Variants in CSMD1 observed in about 807,000 individuals in gnomAD.
CSMD1 encodes CUB and sushi domain-containing protein 1.
Under a neutral mutation model 417.5 loss-of-function variants are expected in CSMD1, and 213 were observed. The ratio of observed to expected loss-of-function variants is 0.51; its 90% CI spans 0.46 to 0.57. The LOEUF is 0.57. CSMD1 is among the 20% of genes least tolerant of loss of function. The pLI, the probability that CSMD1 is intolerant of heterozygous loss-of-function variation, is 0.00. For missense variants in CSMD1, 6,923 were observed against 4,529.7 expected (o/e 1.53, Z -15.17); for synonymous variants, 2,862 against 1,736.8 (o/e 1.65, Z -16.11).
chr8:3,461,154 G>C (rs1039805121), intron 12 of CSMD1, among the ~76,000 whole-genome samples: 2 of 152,204 alleles, frequency 1.3e-5, no homozygotes, highest in African/African-American at 2.4e-5. Context: ...GGCTGCTAGA[G>C]AGGGCTCATA....
At chr8:3,778,073 A>T (rs1215286229) in intron 5 of CSMD1, among the ~76,000 whole-genome samples, 1 of 152,218 alleles carries the variant, frequency 6.6e-6, no homozygotes, top group Non-Finnish European at 1.5e-5. Flanking sequence ...TCCAGGGGAA[A>T]CTGGAGTTTG....
At chr8:4,860,183 T>C (rs1265200567) in intron 1 of CSMD1, among the ~76,000 whole-genome samples, 2 of 144,934 alleles carry the variant, frequency 1.4e-5, no homozygotes, top group Non-Finnish European at 3.0e-5. Context: ...ACACCGCATA[T>C]TCTCACTCAT....
At chr8:3,784,670 T>C (rs543063965) in intron 5 of CSMD1, among the ~76,000 whole-genome samples, 2 of 152,324 alleles carry the variant, frequency 1.3e-5, no homozygotes, top group East Asian at 1.9e-4. Flanking sequence ...ATAAGGGATA[T>C]TGTCAGCAAA....
intron 46 of CSMD1, among the ~76,000 whole-genome samples, chr8:3,104,710 C>G (rs972318405): frequency 2.2e-5 from 3 of 135,028 alleles, no homozygotes; most frequent in African/African-American, 8.4e-5. Flanking sequence ...TTTTTCTTTT[C>G]TTTTTTTTTT....
intron 1 of CSMD1, among the ~76,000 whole-genome samples, chr8:4,844,592 G>A (rs1290425744): frequency 1.3e-5 from 2 of 152,106 alleles, no homozygotes; most frequent in Non-Finnish European, 2.9e-5. Flanking sequence ...GACACAGATT[G>A]CTTTTTCTGT....
chr8:3,840,852 C>T (rs949158168), intron 5 of CSMD1, among the ~76,000 whole-genome samples: 11 of 151,806 alleles, frequency 7.2e-5, no homozygotes, highest in South Asian at 2.1e-4. Context: ...TACGTACAGG[C>T]GCCTGTGACT....
Position 3,029,171 on chromosome 8 carries a change from A to G in CSMD1, c.7855+148T>C. 4 of 540,266 alleles carry G rather than the reference A, an allele frequency of 7.4e-6. No individual in the cohort carries two copies. The East Asian group carries it at 1.2e-4, about 16-fold the overall frequency. The allele number at this position is 540,266 out of a possible 1,614,324, so 33.5% of individuals were successfully genotyped here. A position where few individuals can be genotyped will look rare whatever the true frequency, so the allele number is the denominator to read the frequency against. ...ATGTCACATGACAATACATATTCAC[A>G]TCGCAATGAAAAGACAGGCCATTTG... On this transcript the variant is annotated intron_variant, in intron 51 of 69. Coordinates refer to ENST00000635120, the MANE Select transcript of CSMD1 (RefSeq NM_033225.6).
At chr8:3,117,234 C>A (rs1816927900) in intron 42 of CSMD1, among the ~76,000 whole-genome samples, 2 of 152,052 alleles carry the variant, frequency 1.3e-5, no homozygotes, top group East Asian at 1.9e-4. Flanking sequence ...CCACGCCCAG[C>A]TAATTTTTTT....
chr8:3,680,190 C>T (rs1175665433), intron 7 of CSMD1, among the ~76,000 whole-genome samples: 1 of 151,948 alleles, frequency 6.6e-6, no homozygotes, highest in Non-Finnish European at 1.5e-5. Context: ...CAGATCAGAG[C>T]AGAAATGAAG....
intron 2 of CSMD1, among the ~76,000 whole-genome samples, chr8:4,513,141 T>C (rs1802916462): frequency 6.6e-6 from 1 of 152,168 alleles, no homozygotes; most frequent in South Asian, 2.1e-4. Flanking sequence ...CAATGTAAAC[T>C]ATGGGCTTTG....
intron 1 of CSMD1, among the ~76,000 whole-genome samples, chr8:4,909,889 C>T (rs62488166): frequency 0.067 from 10,195 of 152,142 alleles, 425 homozygotes; most frequent in African/African-American, 0.078. Context: ...TGGGGTTTGC[C>T]CAGCTTTTTC....
At chr8:3,728,388 G>C (rs1359067618) in intron 6 of CSMD1, among the ~76,000 whole-genome samples, 1 of 152,162 alleles carries the variant, frequency 6.6e-6, no homozygotes, top group Non-Finnish European at 1.5e-5. Flanking sequence ...CCAGTATTGG[G>C]TATGTCTTTA....
At chr8:4,416,280 G>C (rs948751954) in intron 3 of CSMD1, among the ~76,000 whole-genome samples, 1 of 152,064 alleles carries the variant, frequency 6.6e-6, no homozygotes, top group Non-Finnish European at 1.5e-5. Flanking sequence ...GGATCATAAA[G>C]AATACAATTA....
chr8:3,627,795 A>T (rs956564397), intron 7 of CSMD1, among the ~76,000 whole-genome samples: 4 of 152,220 alleles, frequency 2.6e-5, no homozygotes, highest in African/African-American at 9.6e-5. Flanking sequence ...CAGCCAGCAC[A>T]TCTTGTTTAT....
At chr8:3,086,856 G>C (rs759966899) in intron 49 of CSMD1, among the ~76,000 whole-genome samples, 1 of 152,198 alleles carries the variant, frequency 6.6e-6, no homozygotes, top group Admixed American at 6.5e-5. Flanking sequence ...AAGTACAACT[G>C]TTAGAATAAC....
chr8:3,983,175 G>A (rs1220292444), intron 5 of CSMD1, among the ~76,000 whole-genome samples: 1 of 141,186 alleles, frequency 7.1e-6, no homozygotes, highest in African/African-American at 2.7e-5. Context: ...CTGTCACCCA[G>A]GCTGGAGTGC....
intron 2 of CSMD1, among the ~76,000 whole-genome samples, chr8:4,434,149 C>G (rs548847687): frequency 1.1e-4 from 16 of 152,082 alleles, no homozygotes; most frequent in Non-Finnish European, 2.1e-4. Flanking sequence ...AACAGCTTGG[C>G]CAACATGGTG....
chr8:3,384,299 T>C (rs1239708371), intron 18 of CSMD1, among the ~76,000 whole-genome samples: 1 of 152,150 alleles, frequency 6.6e-6, no homozygotes, highest in African/African-American at 2.4e-5. Context: ...ACTTATTTCA[T>C]GTACATTTTT....
chr8:3,225,365 T>A (rs529521279), intron 27 of CSMD1, among the ~76,000 whole-genome samples: 1 of 151,620 alleles, frequency 6.6e-6, no homozygotes, highest in Non-Finnish European at 1.5e-5. Flanking sequence ...CAGAAAAAGA[T>A]TAAAACTTGA....
Sources: allele counts gnomAD v4.1 joint callset (sites outside exome capture counted in the v4.1 genomes callset), GRCh38; gene constraint gnomAD v4.1.1; transcripts MANE v1.5; gene names NCBI Gene and HGNC (gene_info 2026-07-23, HGNC 2026-07-21).